FHIT: variants seen among roughly 807,000 people sequenced by gnomAD.
FHIT encodes bis(5'-adenosyl)-triphosphatase.
FHIT carries 19 observed loss-of-function variants against 17.9 expected under a neutral mutation model. The ratio of observed to expected loss-of-function variants is 1.06; its 90% CI spans 0.74 to 1.56. The LOEUF is 1.56. Among genes scored for constraint, FHIT ranks in the 40% most tolerant of loss-of-function variants. The pLI is 0.00. For synonymous variants in FHIT, 81 were observed against 69.7 expected (o/e 1.16, Z -0.81); for missense variants, 248 against 189.2 (o/e 1.31, Z -1.82).
intron 5 of FHIT, among the ~76,000 whole-genome samples, chr3:60,525,344 A>T (rs1362097811): frequency 6.6e-6 from 1 of 152,226 alleles, no homozygotes; most frequent in East Asian, 1.9e-4. Flanking sequence ...AATTAAATTT[A>T]TCCCATAAAT....
At chr3:60,008,971 T>A (rs1575872576) in intron 7 of FHIT, among the ~76,000 whole-genome samples, 1 of 152,210 alleles carries the variant, frequency 6.6e-6, no homozygotes, top group African/African-American at 2.4e-5. Flanking sequence ...CAAGCCCCAG[T>A]CACAGTATTC....
intron 5 of FHIT, among the ~76,000 whole-genome samples, chr3:60,441,634 T>C (rs2030808855): frequency 6.7e-6 from 1 of 148,560 alleles, no homozygotes; most frequent in South Asian, 2.1e-4. Context: ...TATTGTCTTA[T>C]AAAAGTTGTT....
chr3:60,700,202 C>T (rs1212950308), intron 4 of FHIT, among the ~76,000 whole-genome samples: 1 of 151,388 alleles, frequency 6.6e-6, no homozygotes, highest in Non-Finnish European at 1.5e-5. Flanking sequence ...TATCCCAGCA[C>T]TATTTCCAAT....
chr3:61,081,442 C>A (rs1199647700), intron 2 of FHIT, among the ~76,000 whole-genome samples: 1 of 152,238 alleles, frequency 6.6e-6, no homozygotes, highest in African/African-American at 2.4e-5. Flanking sequence ...ACTGTTCCCT[C>A]AAAGTGCCCA....
chr3:60,613,089 C>A (rs530268275), intron 4 of FHIT, among the ~76,000 whole-genome samples: 1 of 152,316 alleles, frequency 6.6e-6, no homozygotes, highest in South Asian at 2.1e-4. Flanking sequence ...TAGGGGATTT[C>A]AAGCTTGAAA....
At chr3:60,003,221 T>C (rs1478772208) in intron 7 of FHIT, among the ~76,000 whole-genome samples, 1 of 152,124 alleles carries the variant, frequency 6.6e-6, no homozygotes. Flanking sequence ...CCCCTCACTA[T>C]CTCCACCCAG....
chr3:60,483,582 T>A (rs2033710715), intron 5 of FHIT, among the ~76,000 whole-genome samples: 1 of 152,028 alleles, frequency 6.6e-6, no homozygotes, highest in Non-Finnish European at 1.5e-5. Flanking sequence ...AAAAACCACA[T>A]GATTATCTCA....
chr3:61,142,051 C>G (rs1463825891), intron 2 of FHIT, among the ~76,000 whole-genome samples: 1 of 151,420 alleles, frequency 6.6e-6, no homozygotes, highest in Non-Finnish European at 1.5e-5. Context: ...CAGGGGGAGT[C>G]AAAGCTTCAC....
chr3:60,111,332 A>C (rs1333770415), intron 5 of FHIT, among the ~76,000 whole-genome samples: 1 of 152,186 alleles, frequency 6.6e-6, no homozygotes, highest in African/African-American at 2.4e-5. Flanking sequence ...ACAAAGTGTA[A>C]AGTTAAAAAT....
At chr3:61,095,204 T>C (rs1183568969) in intron 2 of FHIT, among the ~76,000 whole-genome samples, 2 of 152,224 alleles carry the variant, frequency 1.3e-5, no homozygotes, top group African/African-American at 4.8e-5. Context: ...TTCTGAGACA[T>C]GCCTTGTATA....
At chr3:60,555,076 G>A (rs2036698508) in intron 4 of FHIT, among the ~76,000 whole-genome samples, 1 of 152,180 alleles carries the variant, frequency 6.6e-6, no homozygotes, top group South Asian at 2.1e-4. Flanking sequence ...CCTTGTAAGA[G>A]AACAAGTTTA....
At chr3:60,732,532 G>A (rs2042050879) in intron 4 of FHIT, 2 of 655,322 alleles carry the variant, frequency 3.1e-6, no homozygotes, top group East Asian at 6.9e-5. Flanking sequence ...GAGCACGAAA[G>A]TTTTCTGCTG....
At chr3:60,717,485 C>T (rs1361825557) in intron 4 of FHIT, among the ~76,000 whole-genome samples, 2 of 152,048 alleles carry the variant, frequency 1.3e-5, no homozygotes, top group Non-Finnish European at 2.9e-5. Flanking sequence ...AATGCATATT[C>T]CTGAAACCCA....
chr3:59,834,823 A>T (rs1024642217), intron 8 of FHIT, among the ~76,000 whole-genome samples: 1 of 152,218 alleles, frequency 6.6e-6, no homozygotes, highest in African/African-American at 2.4e-5. Flanking sequence ...ACACATAAAA[A>T]TATATCAATG....
In FHIT at chr3:60,264,538, T is replaced by G. The variant is rs372200592; in HGVS notation, c.104-250386A>C. On this transcript the variant is annotated intron_variant, in intron 5 of 9. Transcript: ENST00000492590. ...ACTATAAGTTACTGGTTCTATTATC[T>G]TATTTAATCCTAATAACACTAACAA... 1.4e-3 allele frequency among the ~76,000 whole-genome samples: 212 copies of G among 152,122 alleles called. 1 individual carries two copies. The highest frequency in any genetic ancestry group is 4.9e-3 in the African/African-American group (205 of 41,544).
At chr3:60,241,096 G>A (rs1311734593) in intron 5 of FHIT, among the ~76,000 whole-genome samples, 1 of 152,120 alleles carries the variant, frequency 6.6e-6, no homozygotes, top group Non-Finnish European at 1.5e-5. Flanking sequence ...CAGTTTTTAG[G>A]AAACGGGGGT....
At chr3:59,893,826 A>G (rs1293665821) in intron 8 of FHIT, among the ~76,000 whole-genome samples, 1 of 152,200 alleles carries the variant, frequency 6.6e-6, no homozygotes, top group Non-Finnish European at 1.5e-5. Context: ...AGGAAGAAAC[A>G]TTAGGTATTG....
intron 1 of FHIT, among the ~76,000 whole-genome samples, chr3:61,205,601 T>C (rs929142726): frequency 8.5e-5 from 13 of 152,360 alleles, no homozygotes; most frequent in African/African-American, 3.1e-4. Flanking sequence ...CATGTGTCTT[T>C]TGGCTGCGTA....
intron 4 of FHIT, among the ~76,000 whole-genome samples, chr3:60,649,637 G>A (rs2039945512): frequency 1.3e-5 from 2 of 152,178 alleles, no homozygotes; most frequent in African/African-American, 4.8e-5. Flanking sequence ...TTGTGTGAGT[G>A]TGTGTATGTG....
Sources: allele counts gnomAD v4.1 joint callset (sites outside exome capture counted in the v4.1 genomes callset), GRCh38; gene constraint gnomAD v4.1.1; transcripts MANE v1.5; gene names NCBI Gene and HGNC (gene_info 2026-07-23, HGNC 2026-07-21).